ETFA: variants seen among roughly 807,000 people sequenced by gnomAD.
ETFA encodes the protein electron transfer flavoprotein subunit alpha, mitochondrial.
In ETFA, 22 loss-of-function variants were observed where a neutral mutation model predicts 46.2. That is an observed-to-expected ratio of 0.48 (90% confidence interval 0.34 to 0.68). ETFA has a LOEUF of 0.68. ETFA is among the 30% of genes least tolerant of loss of function. ETFA has a pLI of 0.01. For synonymous variants in ETFA, 131 were observed against 139.9 expected (o/e 0.94, Z 0.45); for missense variants, 345 against 401.1 (o/e 0.86, Z 1.19).
At chr15:76,232,998 G>A (rs2039085180) in intron 9 of ETFA, among the ~76,000 whole-genome samples, 1 of 152,186 alleles carries the variant, frequency 6.6e-6, no homozygotes, top group Non-Finnish European at 1.5e-5. Context: ...CCCAAAGTGA[G>A]TTAATCATCT....
At chr15:76,268,814 G>T (rs953908154) in intron 9 of ETFA, among the ~76,000 whole-genome samples, 1 of 152,216 alleles carries the variant, frequency 6.6e-6, no homozygotes, top group Non-Finnish European at 1.5e-5. Context: ...AGGCAATTAA[G>T]AGCTGCACAG....
intron 1 of ETFA, among the ~76,000 whole-genome samples, chr15:76,303,537 G>A (rs989934321): frequency 6.6e-6 from 1 of 151,906 alleles, no homozygotes; most frequent in Non-Finnish European, 1.5e-5. Context: ...ACAACCTACA[G>A]AATGGTAAAA....
intron 10 of ETFA, chr15:76,226,387 C>G (rs2039005041): frequency 5.8e-6 from 1 of 173,476 alleles, no homozygotes; most frequent in Non-Finnish European, 1.2e-5. Context: ...GAGTTCGAGA[C>G]TAGCCTGGCC....
chr15:76,309,231 T>C (rs2039965485), intron 1 of ETFA, among the ~76,000 whole-genome samples: 2 of 152,086 alleles, frequency 1.3e-5, no homozygotes, highest in South Asian at 4.1e-4. Context: ...GGGCGGATCA[T>C]GAGGTCAGGA....
intron 1 of ETFA, among the ~76,000 whole-genome samples, chr15:76,305,918 T>C (rs941124291): frequency 1.3e-5 from 2 of 151,816 alleles, no homozygotes; most frequent in African/African-American, 4.8e-5. Context: ...TCTTGCTTGC[T>C]ATGTTGCTCA....
intron 1 of ETFA, among the ~76,000 whole-genome samples, chr15:76,305,877 T>TTTTTG (rs2039934669): frequency 6.6e-6 from 1 of 151,464 alleles, no homozygotes; most frequent in Admixed American, 6.6e-5. Flanking sequence ...TTTTTTTTTC[T>TTTTTG]TGTGGGGGTG....
At chr15:76,298,629 A>G (rs898094461) in intron 1 of ETFA, among the ~76,000 whole-genome samples, 16 of 152,218 alleles carry the variant, frequency 1.1e-4, no homozygotes, top group African/African-American at 3.6e-4. Context: ...CACAGGTAGG[A>G]AGCAGAGTCA....
intron 9 of ETFA, chr15:76,260,137 T>C (rs756816478): frequency 5.0e-6 from 7 of 1,413,688 alleles, no homozygotes; most frequent in Admixed American, 1.7e-5. Flanking sequence ...TCCTTTGCCC[T>C]ATATCCAGCC....
intron 9 of ETFA, among the ~76,000 whole-genome samples, chr15:76,269,299 A>G (rs1269987147): frequency 6.6e-6 from 1 of 152,210 alleles, no homozygotes; most frequent in Non-Finnish European, 1.5e-5. Context: ...ATAATATAAA[A>G]GAGTTTTGGA....
At chr15:76,298,564 G>A (rs1376282887) in intron 1 of ETFA, among the ~76,000 whole-genome samples, 1 of 152,102 alleles carries the variant, frequency 6.6e-6, no homozygotes, top group Non-Finnish European at 1.5e-5. Context: ...GTCTATGATG[G>A]AGGTACTAGT....
intron 9 of ETFA, among the ~76,000 whole-genome samples, chr15:76,232,669 T>C (rs1025567678): frequency 2.0e-5 from 3 of 152,196 alleles, no homozygotes; most frequent in African/African-American, 7.2e-5. Flanking sequence ...TATTACCTCC[T>C]AATGTCATGA....
rs777979235 is a variant in ETFA at position 76,252,403 on chromosome 15, C to T, written c.817-21005G>A. On this transcript the variant is annotated intron_variant, in intron 9 of 11. Coordinates refer to ENST00000557943, the MANE Select transcript of ETFA (RefSeq NM_000126.4). ...ACCTCGTTTCAGCCTATCTTTCTAG[C>T]CTTTATCTTTCACCTGAATTTTCTC... Among the ~76,000 whole-genome samples the T allele has an allele frequency of 3.9e-4, 60 of 152,180 alleles. 1 individual carries two copies. The highest frequency in any genetic ancestry group is 1.4e-3 in the Admixed American group (21 of 15,272).
intron 1 of ETFA, among the ~76,000 whole-genome samples, chr15:76,297,317 T>C (rs751141484): frequency 6.6e-6 from 1 of 151,952 alleles, no homozygotes; most frequent in Admixed American, 6.5e-5. Context: ...CCTTTCTTTT[T>C]TCGTTGGAAG....
intron 10 of ETFA, chr15:76,230,171 T>C (rs141631635): frequency 7.9e-4 from 102 of 129,286 alleles, no homozygotes; most frequent in African/African-American, 2.7e-3. Context: ...CTCAAAAAAA[T>C]AAATAAATAA....
chr15:76,296,888 A>G (rs974580578), intron 1 of ETFA, among the ~76,000 whole-genome samples: 2 of 152,260 alleles, frequency 1.3e-5, no homozygotes, highest in Non-Finnish European at 2.9e-5. Flanking sequence ...GTTGAAGGCT[A>G]CAGATCATGA....
chr15:76,297,036 G>C (rs978757333), intron 1 of ETFA, among the ~76,000 whole-genome samples: 3 of 152,180 alleles, frequency 2.0e-5, no homozygotes, highest in Admixed American at 2.0e-4. Context: ...GTGAGAAAAA[G>C]AGGAACTGTG....
At chr15:76,259,378 A>G in intron 9 of ETFA, 1 of 1,409,654 alleles carries the variant, frequency 7.1e-7, no homozygotes, top group South Asian at 1.1e-5. Flanking sequence ...AGATCATACA[A>G]AAGGTCGTCT....
intron 9 of ETFA, chr15:76,260,178 T>A: frequency 3.5e-6 from 5 of 1,426,678 alleles, no homozygotes; most frequent in Non-Finnish European, 5.0e-6. Context: ...GATGAGCACA[T>A]CCTCCAGTTT....
At chr15:76,242,596 A>G (rs2039203602) in intron 9 of ETFA, among the ~76,000 whole-genome samples, 1 of 152,254 alleles carries the variant, frequency 6.6e-6, no homozygotes, top group African/African-American at 2.4e-5. Flanking sequence ...TTGCATGTGA[A>G]TGTTCATAGC....
Sources: gnomAD v4.1 joint callset for allele counts (sites outside exome capture counted in the v4.1 genomes callset) on GRCh38, gnomAD v4.1.1 for gene constraint, MANE v1.5 for transcripts, NCBI Gene and HGNC (gene_info 2026-07-23, HGNC 2026-07-21) for gene names.